RANBP9: variants seen among roughly 807,000 people sequenced by gnomAD.
The protein encoded by RANBP9 is RAN binding protein 9, also known as ran-binding protein 9.
In RANBP9, 15 loss-of-function variants were observed where a neutral mutation model predicts 84.3. That is an observed-to-expected ratio of 0.18 (90% CI 0.12 to 0.27). RANBP9 has a LOEUF of 0.27. Ranked by LOEUF, RANBP9 falls within the 10% of genes least tolerant of loss-of-function variation. RANBP9 has a pLI of 1.00. For synonymous variants in RANBP9, 392 were observed against 349.6 expected (o/e 1.12, Z -1.35); for missense variants, 809 against 912.8 (o/e 0.89, Z 1.46).
chr6:13,688,755 G>A (rs946921486), intron 2 of RANBP9, among the ~76,000 whole-genome samples: 7 of 151,272 alleles, frequency 4.6e-5, no homozygotes, highest in Non-Finnish European at 1.0e-4. Context: ...GCCCTAGCCC[G>A]TAAACTCTGT....
chr6:13,686,000 G>C (rs1766167226), intron 2 of RANBP9, among the ~76,000 whole-genome samples: 2 of 149,528 alleles, frequency 1.3e-5, no homozygotes, highest in Non-Finnish European at 3.0e-5. Context: ...GAAACGAGCA[G>C]AAGTATTGAT....
At position 13,645,309 on chromosome 6, in the gene RANBP9, TA is replaced by T. The variant is rs149605857; in HGVS notation, c.928-581del. Among the ~76,000 whole-genome samples the T allele has an allele frequency of 2.8e-3, 420 of 147,696 alleles. 2 individuals carry two copies. Among genetic ancestry groups the T allele is most frequent in the African/African-American group, 9.8e-3 (394 of 40,360 alleles). On this transcript the variant is annotated intron_variant, in intron 5 of 13. Transcript: ENST00000011619. The stretch of plus-strand genomic sequence containing the variant: ...CAGGAAGAGTGGAGATTCTCTATAT[TA>T]AAAAAAAAACACAAAACCTCAAATA...
At chr6:13,667,239 G>A (rs1031023156) in intron 2 of RANBP9, among the ~76,000 whole-genome samples, 1 of 152,050 alleles carries the variant, frequency 6.6e-6, no homozygotes, top group Non-Finnish European at 1.5e-5. Context: ...TCCTATTATT[G>A]ATAGGCTTAA....
chr6:13,676,503 G>A (rs527864617), intron 2 of RANBP9, among the ~76,000 whole-genome samples: 17 of 151,864 alleles, frequency 1.1e-4, no homozygotes, highest in Admixed American at 6.6e-5. Flanking sequence ...ATTACAAGAA[G>A]GGAAAACTGC....
chr6:13,702,356 T>G (rs142278114), intron 1 of RANBP9, among the ~76,000 whole-genome samples: 1 of 152,140 alleles, frequency 6.6e-6, no homozygotes, highest in African/African-American at 2.4e-5. Flanking sequence ...GGGAGGAGAA[T>G]TGCTTAAACC....
intron 2 of RANBP9, among the ~76,000 whole-genome samples, chr6:13,666,609 A>C (rs2113299303): frequency 7.5e-6 from 1 of 133,302 alleles, no homozygotes; most frequent in South Asian, 2.5e-4. Context: ...CCAAAAAAAA[A>C]AAAAAAAAAA....
intron 5 of RANBP9, among the ~76,000 whole-genome samples, chr6:13,645,155 A>G (rs1765152457): frequency 6.6e-6 from 1 of 152,204 alleles, no homozygotes; most frequent in Admixed American, 6.5e-5. Context: ...GCTAGTTATC[A>G]TAAAAGTATG....
chr6:13,632,664 A>G lies in RANBP9; in HGVS notation c.1796-143T>C, dbSNP rs150504043. 7.7e-4 allele frequency: 606 copies of G among 787,722 alleles called. 2 individuals carry two copies. In the African/African-American group the frequency reaches 9.9e-3, roughly 13 times the overall value. 48.8% of individuals were successfully genotyped at this position (787,722 alleles called of 1,614,324 possible). A position where few individuals can be genotyped will look rare whatever the true frequency, so the allele number is the denominator to read the frequency against. ...TAAATATGCAGATTGTTAAAAATTC[A>G]TTTTTAATATGAAACTGCAGCTAAA... On this transcript the variant is annotated intron_variant, in intron 11 of 13. Transcript: ENST00000011619.
intron 5 of RANBP9, among the ~76,000 whole-genome samples, chr6:13,650,823 G>C (rs940031402): frequency 6.6e-6 from 1 of 152,108 alleles, no homozygotes; most frequent in African/African-American, 2.4e-5. Flanking sequence ...AATCAGTCGG[G>C]CATGCTGGCG....
intron 9 of RANBP9, 56 bp downstream of exon 9, chr6:13,639,507 G>C (rs1244402058): frequency 1.1e-5 from 16 of 1,508,526 alleles, no homozygotes; most frequent in African/African-American, 1.4e-5. Flanking sequence ...AAAGGAAAAA[G>C]GTTTAAGATT....
chr6:13,663,424 C>A (rs1270729489), intron 2 of RANBP9, among the ~76,000 whole-genome samples: 1 of 152,014 alleles, frequency 6.6e-6, no homozygotes, highest in Non-Finnish European at 1.5e-5. Context: ...TAAAAAAATG[C>A]TCTTAATTTT....
At chr6:13,669,765 G>C (rs746816753) in intron 2 of RANBP9, among the ~76,000 whole-genome samples, 4 of 151,816 alleles carry the variant, frequency 2.6e-5, no homozygotes, top group Non-Finnish European at 4.4e-5. Context: ...ACTTTTTTTC[G>C]CATTTTTTGT....
At chr6:13,701,250 A>G (rs980435605) in intron 1 of RANBP9, among the ~76,000 whole-genome samples, 1 of 152,124 alleles carries the variant, frequency 6.6e-6, no homozygotes, top group African/African-American at 2.4e-5. Flanking sequence ...ATACTCCCAC[A>G]CTGGACAGTT....
At chr6:13,646,148 G>A (rs1163031474) in intron 5 of RANBP9, among the ~76,000 whole-genome samples, 2 of 152,142 alleles carry the variant, frequency 1.3e-5, no homozygotes, top group Non-Finnish European at 2.9e-5. Context: ...GGTGGCTCAC[G>A]CCTGTAATCC....
chr6:13,644,553 C>T lies in RANBP9; in HGVS notation c.1104G>A (p.Met368Ile), dbSNP rs762326856. ...AATTTCTTCACTCTTACTTTTGTAT[C>T]ATGGTCTGCCATTCTCCTTCTCGAT... ...IGDREGEWQT[M>I]IQKMVSSYLV... Residue 368 changes from methionine (M) to isoleucine (I), a missense_variant, in exon 6 of 14, where the codon ATG (methionine) becomes ATA (isoleucine). By Grantham distance (10) the Met-to-Ile change is conservative. This residue lies in a region of RANBP9 where 216 missense variants were observed against 329.0 expected (regional missense o/e 0.66). Transcript: ENST00000011619. 16 of 1,610,474 alleles carry T rather than the reference C, an allele frequency of 9.9e-6. No homozygotes were observed. The highest frequency in any genetic ancestry group is 1.2e-5 in the Non-Finnish European group (14 of 1,178,646).
At chr6:13,623,110 G>T (rs1764500473) in intron 13 of RANBP9, among the ~76,000 whole-genome samples, 1 of 152,042 alleles carries the variant, frequency 6.6e-6, no homozygotes, top group Non-Finnish European at 1.5e-5. Flanking sequence ...AATTTTCAGG[G>T]TCCTGCATAT....
At chr6:13,669,087 G>C (rs1765716181) in intron 2 of RANBP9, among the ~76,000 whole-genome samples, 1 of 151,408 alleles carries the variant, frequency 6.6e-6, no homozygotes, top group Non-Finnish European at 1.5e-5. Context: ...CTACACACTA[G>C]AAATAATTTG....
chr6:13,711,187 C>T lies in RANBP9; in HGVS notation c.319G>A (p.Gly107Ser), dbSNP rs1758270432. 4 of 1,252,308 alleles carry T rather than the reference C, an allele frequency of 3.2e-6. No individual in the cohort carries two copies. Among genetic ancestry groups the T allele is most frequent in the African/African-American group, 1.6e-5 (1 of 62,960 alleles). The allele number at this position is 1,252,308 out of a possible 1,614,324, so 77.6% of individuals were successfully genotyped here. The change falls in exon 1 of 14, where the codon GGC becomes AGC. Residue 107 changes from glycine to serine, a missense_variant. Physicochemically the swap from Gly to Ser is moderately conservative, Grantham distance 56 (BLOSUM62 0). Coordinates refer to ENST00000011619, the MANE Select transcript of RANBP9 (RefSeq NM_005493.3). ...APASGPPAPP[G>S]LAAGPGPAGG... ...GCCGGGCCGGGGCCCGCTGCAAGGC[C>T]CGGGGGAGCGGGCGGCCCGCTGGCG...
In RANBP9 at chr6:13,711,641, G is replaced by A. The variant is rs938662239; in HGVS notation, c.-136C>T. The A allele has an allele frequency of 2.1e-5, 17 of 798,312 alleles. No homozygotes were observed. Among genetic ancestry groups the A allele is most frequent in the Non-Finnish European group, 1.8e-5 (11 of 610,098 alleles). 49.5% of individuals were successfully genotyped at this position (798,312 alleles called of 1,614,324 possible). A position where few individuals can be genotyped will look rare whatever the true frequency, so the allele number is the denominator to read the frequency against. On this transcript the variant is annotated 5_prime_UTR_variant, in exon 1 of 14. Transcript: ENST00000011619. ...CCCGGAAGCAGGCGGCGGGCCGCGC[G>A]CCCAGGGAGACCGCGGCGGTTGAGG... is the stretch of plus-strand genomic sequence containing the variant.
Sources: gnomAD v4.1 joint callset for allele counts (sites outside exome capture counted in the v4.1 genomes callset) on GRCh38, gnomAD v4.1.1 for gene constraint, gnomAD v4.1.1 regional missense constraint, MANE v1.5 for transcripts, NCBI Gene and HGNC (gene_info 2026-07-23, HGNC 2026-07-21) for gene names.